PPP2R1B: variants seen among roughly 807,000 people sequenced by gnomAD.
The protein encoded by PPP2R1B is protein phosphatase 2 scaffold subunit Abeta.
A neutral mutation model predicts 72.7 loss-of-function variants in PPP2R1B; 58 were observed. The observed-to-expected ratio is 0.80, with a 90% CI of 0.65 to 0.99. The LOEUF (loss-of-function observed/expected upper bound fraction) is 0.99. PPP2R1B is among the 50% of genes least tolerant of loss of function. The pLI, the probability that PPP2R1B is intolerant of heterozygous loss-of-function variation, is 0.00. For missense variants in PPP2R1B, 695 were observed against 733.6 expected (o/e 0.95, Z 0.61); for synonymous variants, 256 against 264.6 (o/e 0.97, Z 0.32).
At chr11:111,714,469 G>T in the PPP2R1B span, among the ~76,000 whole-genome samples, 1 of 152,194 alleles carries the variant, frequency 6.6e-6, no homozygotes, top group African/African-American at 2.4e-5. Context: ...ATATCACTGT[G>T]TGTGCCCCGG....
intron 8 of PPP2R1B, 66 bp from the exon 9 acceptor site, chr11:111,753,643 G>A: frequency 1.3e-6 from 2 of 1,498,412 alleles, no homozygotes; most frequent in Non-Finnish European, 1.8e-6. Flanking sequence ...CCATTATTCT[G>A]GGAAACAGAG....
the PPP2R1B span, among the ~76,000 whole-genome samples, chr11:111,716,772 G>C: frequency 6.6e-6 from 1 of 152,026 alleles, no homozygotes; most frequent in African/African-American, 2.4e-5. Context: ...GGTACTGCCG[G>C]GTATTTTGTG....
rs539611806 is a variant in PPP2R1B, at chr11:111,731,443, C to T, written c.1912-4386G>A. Among the ~76,000 whole-genome samples the T allele has an allele frequency of 9.8e-5, 15 of 152,384 alleles. No individual in the cohort carries two copies. The South Asian group carries it at 3.1e-3, about 32-fold the overall frequency. On this transcript the variant is annotated intron_variant, in intron 15 of 15. Transcript: ENST00000311129. ...ACCCTTTTGAGGCCCAGCTCCACGC[C>T]CTCAGGGTGCTGGAGGCACCATGTG...
chr11:111,726,918 T>C lies in PPP2R1B; in HGVS notation c.*47A>G, dbSNP rs1381328458. On this transcript the variant is annotated 3_prime_UTR_variant, in exon 16 of 16. Coordinates refer to the PPP2R1B transcript ENST00000311129. ...AAATTTCGTTCGGCAAAAAGTGCAA[T>C]ATGTGTGGTACTTTATTTTTTATGT... 4.4e-6 allele frequency: 7 copies of C among 1,585,032 alleles called. No homozygotes were observed. In the South Asian group the frequency reaches 5.6e-5, roughly 13 times the overall value.
intron 11 of PPP2R1B, among the ~76,000 whole-genome samples, chr11:111,747,476 A>G (rs960311863): frequency 6.6e-6 from 1 of 152,184 alleles, no homozygotes; most frequent in African/African-American, 2.4e-5. Flanking sequence ...CCTATGGCAA[A>G]GCTAGTGTTT....
chr11:111,747,956 T>C lies in PPP2R1B; in HGVS notation c.1397A>G (p.His466Arg). 1.9e-6 allele frequency: 3 copies of C among 1,610,718 alleles called. No homozygotes were observed. The highest frequency in any genetic ancestry group is 2.5e-6 in the Non-Finnish European group (3 of 1,177,386). Residue 466 changes from histidine (H) to arginine (R), a missense_variant and splice_region_variant, in exon 11 of 15, where the codon CAT (histidine) becomes CGT (arginine). Transcript: ENST00000527614. ...ATAATCTGTTTTTATCTACTCACCA[T>C]GGTCCACGAGCCAAGCCATACATAA... is the stretch of plus-strand genomic sequence containing the variant. Reference protein sequence around the residue: ...NSLCMAWLVDHVYAIREAATN... With the variant: ...NSLCMAWLVDRVYAIREAATN...
chr11:111,745,083 A>C (rs1591683356), intron 11 of PPP2R1B, among the ~76,000 whole-genome samples: 4 of 119,462 alleles, frequency 3.3e-5, no homozygotes, highest in Admixed American at 1.1e-4. Flanking sequence ...ACAGAGCCTC[A>C]CTCTGTCTCT....
chr11:111,698,193 T>C, the PPP2R1B span, among the ~76,000 whole-genome samples: 1 of 152,190 alleles, frequency 6.6e-6, no homozygotes, highest in African/African-American at 2.4e-5. Flanking sequence ...GTACCACTCC[T>C]CCTGTAAGCA....
At chr11:111,763,338 C>T (rs983091147) in intron 3 of PPP2R1B, among the ~76,000 whole-genome samples, 4 of 152,214 alleles carry the variant, frequency 2.6e-5, no homozygotes, top group African/African-American at 9.6e-5. Flanking sequence ...TCTTCTCATG[C>T]AGTACCACTG....
At chr11:111,747,576 C>G (rs978834936) in intron 11 of PPP2R1B, among the ~76,000 whole-genome samples, 1 of 152,174 alleles carries the variant, frequency 6.6e-6, no homozygotes, top group Non-Finnish European at 1.5e-5. Context: ...CCCACCCAGG[C>G]CTTTCATCTG....
the PPP2R1B span, chr11:111,719,864 T>G: frequency 6.2e-7 from 1 of 1,613,992 alleles, no homozygotes; most frequent in Non-Finnish European, 8.5e-7. Flanking sequence ...AGACCTCCAT[T>G]GACGAAGGGC....
chr11:111,701,149 A>C, the PPP2R1B span: 1 of 1,186,082 alleles, frequency 8.4e-7, no homozygotes, highest in Non-Finnish European at 1.1e-6. This position sits in a 1 kb window ranked among gnomAD's most constrained non-coding sequence, Gnocchi z 4.2. Flanking sequence ...ATAATTACTC[A>C]GAGCATCTTG....
chr11:111,713,337 T>C, the PPP2R1B span, among the ~76,000 whole-genome samples: 1 of 152,070 alleles, frequency 6.6e-6, no homozygotes, highest in Non-Finnish European at 1.5e-5. Context: ...GGTAGTAGAG[T>C]GTCATAGAAA....
At chr11:111,741,658 C>T (rs758540277) in intron 14 of PPP2R1B, 46 bp from the exon 15 acceptor site, 13 of 1,586,922 alleles carry the variant, frequency 8.2e-6, no homozygotes, top group African/African-American at 2.7e-5. Flanking sequence ...AGAAAGTTCA[C>T]GAACGATCTA....
At chr11:111,758,270 GT>G in intron 5 of PPP2R1B, among the ~76,000 whole-genome samples, 1 of 152,188 alleles carries the variant, frequency 6.6e-6, no homozygotes, top group African/African-American at 2.4e-5. Flanking sequence ...GTAAAGCACT[GT>G]TTTAAACTAT....
intron 4 of PPP2R1B, 135 bp downstream of exon 4, chr11:111,760,683 CT>C: frequency 1.4e-6 from 1 of 726,424 alleles, no homozygotes; most frequent in Non-Finnish European, 2.3e-6. Context: ...ATAAATCCTA[CT>C]ATCCTAGTAT....
the PPP2R1B span, chr11:111,720,540 G>A: frequency 6.2e-7 from 1 of 1,613,964 alleles, no homozygotes; most frequent in South Asian, 1.1e-5. Flanking sequence ...GTATGATATG[G>A]GGTCTGTTCA....
rs1248138219 is a variant in PPP2R1B, at chr11:111,741,599, T to A, written c.1803A>T (p.Ala601=). 12 of 1,613,452 alleles carry A rather than the reference T, an allele frequency of 7.4e-6. No individual in the cohort carries two copies. The highest frequency in any genetic ancestry group is 1.0e-5 in the Non-Finnish European group (12 of 1,179,872). The change falls in exon 15 of 15, where the codon GCA becomes GCT. Residue 601 remains alanine (A), a synonymous_variant. Transcript: ENST00000527614. ...AQEAISVLAL[A] ...GCCTTTTCCCTCCTGCTCCTCATTA[T>A]GCCAATGCAAGAACTGGAAAATTCC...
chr11:111,735,202 AGAG>A (rs1016847584), downstream of PPP2R1B: 6 of 152,234 alleles, frequency 3.9e-5, no homozygotes, highest in African/African-American at 9.7e-5. Context: ...GAGAAAAGGA[AGAG>A]GAGGAGGGTG....
Sources: gnomAD v4.1 joint callset for allele counts (sites outside exome capture counted in the v4.1 genomes callset) on GRCh38, gnomAD v4.1.1 for gene constraint, Gnocchi (gnomAD v3.1) non-coding constraint, MANE v1.5 for transcripts, NCBI Gene and HGNC (gene_info 2026-07-23, HGNC 2026-07-21) for gene names.